ASB3: variants seen among roughly 807,000 people sequenced by gnomAD.
ASB3 encodes the protein ankyrin repeat and SOCS box containing 3.
In ASB3, 41 loss-of-function variants were observed where a neutral mutation model predicts 54.5. The observed-to-expected ratio is 0.75, with a 90% CI of 0.59 to 0.98. The LOEUF (loss-of-function observed/expected upper bound fraction) is 0.98, where lower values mean the gene tolerates loss of function less well. ASB3 is among the 50% of genes least tolerant of loss of function. The pLI, the probability that ASB3 is intolerant of heterozygous loss-of-function variation, is 0.00. For missense variants in ASB3, 733 were observed against 620.0 expected, an observed-to-expected ratio of 1.18 and a Z score of -1.94; for synonymous variants, 266 against 221.2, an observed-to-expected ratio of 1.20 and a Z score of -1.80.
At position 53,767,787 on chromosome 2, in the gene ASB3, GC is replaced by G; in HGVS notation, c.-13-2203del. 6 of 1,466,432 alleles carry G rather than the reference GC, an allele frequency of 4.1e-6. No homozygotes were observed. The South Asian group carries it at 6.6e-5, about 16-fold the overall frequency. 90.8% of individuals were successfully genotyped at this position (1,466,432 alleles called of 1,614,324 possible). A position where few individuals can be genotyped will look rare whatever the true frequency, so the allele number is the denominator to read the frequency against. Reference sequence around the variant, plus strand: ...CGCCCCAAGTGGCCATCGCGCCTGCGCCCCGCGCGGCCGGTTACTCGCTTAC... The same window carrying G: ...CGCCCCAAGTGGCCATCGCGCCTGCGCCCGCGCGGCCGGTTACTCGCTTAC... On this transcript the variant is annotated intron_variant, in intron 1 of 9. Transcript: ENST00000263634.
chr2:53,741,233 G>T (rs558933737), intron 3 of ASB3, among the ~76,000 whole-genome samples: 3 of 152,270 alleles, frequency 2.0e-5, no homozygotes, highest in East Asian at 3.9e-4. Context: ...ATCATTAGTT[G>T]GCCAATGGCA....
chr2:53,682,061 G>A (rs1465768742), intron 9 of ASB3, among the ~76,000 whole-genome samples: 3 of 151,632 alleles, frequency 2.0e-5, no homozygotes, highest in African/African-American at 7.3e-5. Flanking sequence ...TTGGGAGGCT[G>A]AGGCAGGAGA....
chr2:53,670,347 A>G lies in ASB3; in HGVS notation c.*156T>C. 1 of 524,380 alleles carries G rather than the reference A, an allele frequency of 1.9e-6. No homozygotes were observed. The highest frequency in any genetic ancestry group is 2.9e-6 in the Non-Finnish European group (1 of 343,574). The allele number at this position is 524,380 out of a possible 1,614,324, so 32.5% of individuals were successfully genotyped here. A position where few individuals can be genotyped will look rare whatever the true frequency, so the allele number is the denominator to read the frequency against. Reference sequence around the variant, plus strand: ...GGGAAGGCTAGTTGTAAACATAAACATTCTCACTGAACTACTGGCCCCCCA... The same window carrying G: ...GGGAAGGCTAGTTGTAAACATAAACGTTCTCACTGAACTACTGGCCCCCCA... On this transcript the variant is annotated 3_prime_UTR_variant, in exon 10 of 10. Transcript: ENST00000263634.
intron 2 of ASB3, among the ~76,000 whole-genome samples, chr2:53,764,323 G>A (rs904847172): frequency 1.3e-5 from 2 of 152,034 alleles, no homozygotes; most frequent in African/African-American, 4.8e-5. Context: ...TAGAAGCTTG[G>A]TATGAGAGGA....
intron 5 of ASB3, among the ~76,000 whole-genome samples, chr2:53,722,355 C>G (rs1670758605): frequency 6.6e-6 from 1 of 152,132 alleles, no homozygotes; most frequent in Non-Finnish European, 1.5e-5. Context: ...ATACAAAAAT[C>G]TGGCAAAGAC....
intron 1 of ASB3, among the ~76,000 whole-genome samples, chr2:53,784,818 C>A (rs1674846563): frequency 6.6e-6 from 1 of 152,188 alleles, no homozygotes; most frequent in Non-Finnish European, 1.5e-5. Context: ...AGTTCACACT[C>A]ACAGGTTCTA....
chr2:53,734,579 A>G (rs1224459922), intron 3 of ASB3, among the ~76,000 whole-genome samples: 2 of 152,202 alleles, frequency 1.3e-5, no homozygotes, highest in African/African-American at 2.4e-5. Flanking sequence ...ACCTGCCTCC[A>G]TGGACCTTTT....
At chr2:53,750,989 C>G in intron 2 of ASB3, 48 bp from the exon 3 acceptor site, 1 of 1,411,844 alleles carries the variant, frequency 7.1e-7, no homozygotes. Context: ...ACTTCTATTT[C>G]CTGGTTTTAA....
intron 1 of ASB3, among the ~76,000 whole-genome samples, chr2:53,772,784 T>C (rs1012188661): frequency 6.6e-6 from 1 of 152,202 alleles, no homozygotes; most frequent in Non-Finnish European, 1.5e-5. Context: ...TGGGGGTTTG[T>C]TGTACAGATT....
chr2:53,758,089 T>C (rs1672936446), intron 2 of ASB3, among the ~76,000 whole-genome samples: 1 of 152,192 alleles, frequency 6.6e-6, no homozygotes, highest in Non-Finnish European at 1.5e-5. Flanking sequence ...ACCCTATTCC[T>C]TTAAAAGCCA....
chr2:53,716,585 C>T lies in ASB3; in HGVS notation c.763G>A (p.Ala255Thr), dbSNP rs1183357384. Residue 255 changes from alanine to threonine, a missense_variant, in exon 6 of 10, where the codon GCA becomes ACA. Physicochemically the swap from Ala to Thr is moderately conservative, Grantham distance 58 (BLOSUM62 0). Coordinates refer to ENST00000263634, the MANE Select transcript of ASB3 (RefSeq NM_016115.5). ...DSWQLPIHAA[A>T]QMGHTKILDL... ...ACTTACTTTGTATGGCCCATTTGTG[C>T]AGCTGCATGAATAGGTAACTGCCAA... 2.5e-6 allele frequency: 4 copies of T among 1,612,920 alleles called. No homozygotes were observed. The highest frequency in any genetic ancestry group is 3.4e-6 in the Non-Finnish European group (4 of 1,179,380).
At chr2:53,732,438 GC>G (rs1489103453) in intron 3 of ASB3, among the ~76,000 whole-genome samples, 1 of 152,124 alleles carries the variant, frequency 6.6e-6, no homozygotes, top group Non-Finnish European at 1.5e-5. Context: ...GTGACTGTTA[GC>G]AAAAATCATT....
chr2:53,714,103 C>T (rs77318142), intron 7 of ASB3, among the ~76,000 whole-genome samples: 2 of 152,194 alleles, frequency 1.3e-5, no homozygotes, highest in East Asian at 3.9e-4. Context: ...CCAAAAATAT[C>T]AGCAAATTTC....
At chr2:53,721,309 T>C (rs1002797894) in intron 5 of ASB3, among the ~76,000 whole-genome samples, 2 of 150,390 alleles carry the variant, frequency 1.3e-5, no homozygotes, top group African/African-American at 4.9e-5. Flanking sequence ...AATCCTAGCA[T>C]TTTGGGAGGC....
chr2:53,734,785 G>A (rs1671520884), intron 3 of ASB3, among the ~76,000 whole-genome samples: 1 of 151,936 alleles, frequency 6.6e-6, no homozygotes, highest in South Asian at 2.1e-4. Flanking sequence ...GCACTGTTGT[G>A]GTGTTACAAC....
At chr2:53,767,631 G>A in intron 1 of ASB3, 1 of 474,678 alleles carries the variant, frequency 2.1e-6, no homozygotes, top group East Asian at 3.7e-5. Flanking sequence ...ATTTACGGAT[G>A]CTGCAAAAGA....
chr2:53,737,378 T>C (rs770418884), intron 3 of ASB3, among the ~76,000 whole-genome samples: 20 of 152,110 alleles, frequency 1.3e-4, no homozygotes, highest in Non-Finnish European at 2.4e-4. Context: ...GAGATTAGAA[T>C]TTAAGTGGTT....
At chr2:53,678,212 G>A (rs779521494) in intron 9 of ASB3, among the ~76,000 whole-genome samples, 3 of 152,044 alleles carry the variant, frequency 2.0e-5, no homozygotes, top group Non-Finnish European at 4.4e-5. Flanking sequence ...ACACAACACA[G>A]TATTTTTAAC....
chr2:53,706,060 G>C (rs537429899), intron 7 of ASB3, among the ~76,000 whole-genome samples: 122 of 152,226 alleles, frequency 8.0e-4, no homozygotes, highest in Non-Finnish European at 1.3e-3. Context: ...TTTCACAACT[G>C]TTAGCTCATT....
Sources: gnomAD v4.1 joint callset for allele counts (sites outside exome capture counted in the v4.1 genomes callset) on GRCh38, gnomAD v4.1.1 for gene constraint, MANE v1.5 for transcripts, NCBI Gene and HGNC (gene_info 2026-07-23, HGNC 2026-07-21) for gene names.